DPH5: variants seen among roughly 807,000 people sequenced by gnomAD.
DPH5 encodes the protein diphthine methyl ester synthase.
In DPH5, 31 loss-of-function variants were observed where a neutral mutation model predicts 31.6. The ratio of observed to expected loss-of-function variants is 0.98; its 90% CI spans 0.74 to 1.32. The LOEUF (loss-of-function observed/expected upper bound fraction) is 1.32. Ranked by LOEUF, DPH5 falls within the 40% of genes most tolerant of loss-of-function variation. The probability of loss-of-function intolerance (pLI) is 0.00; values close to 1 mark genes in which losing one functional copy is unlikely to be tolerated. For missense variants in DPH5, 309 were observed against 335.7 expected (o/e 0.92, Z 0.62); for synonymous variants, 120 against 115.0 (o/e 1.04, Z -0.28).
Position 100,990,577 on chromosome 1 carries a change from TGGTCGTC to T in DPH5, c.682_688del (p.Asp228ArgfsTer8). ...CCTTAAAGTGCCTGCTGCAATTTTC[TGGTCGTC>T]GGCTCCAACCCTGGCTAAGCCAACA... On this transcript the variant is annotated frameshift_variant, in exon 8 of 8. Transcript: ENST00000370109. LOFTEE classifies it high-confidence loss of function. 1.2e-6 allele frequency: 2 copies of T among 1,614,130 alleles called. No individual in the cohort carries two copies. The highest frequency in any genetic ancestry group is 1.7e-6 in the Non-Finnish European group (2 of 1,180,006).
intron 7 of DPH5, among the ~76,000 whole-genome samples, chr1:100,991,849 C>T (rs1331903325): frequency 6.7e-6 from 1 of 150,060 alleles, no homozygotes; most frequent in Admixed American, 6.6e-5. Flanking sequence ...GTAATCCCAA[C>T]ACTTTGGGAG....
chr1:100,992,652 G>A lies in DPH5; in HGVS notation c.619C>T (p.Arg207Ter), dbSNP rs376566442. ...TCTTGAGTACCTGGTTCTTCTCCTCGTATTCTTTGATTTTGAACAATCTCC... is the reference window on the plus strand; with the variant it reads ...TCTTGAGTACCTGGTTCTTCTCCTCATATTCTTTGATTTTGAACAATCTCC... Reference protein sequence around the residue: ...LLEIVQNQRIRGEEPAVTEET... With the variant: ...LLEIVQNQRI Residue 207 changes from arginine to a stop codon, truncating the protein, a stop_gained, in exon 7 of 8, where the codon CGA becomes TGA. Transcript: ENST00000370109. LOFTEE classifies it high-confidence loss of function. 54 of 1,613,270 alleles carry A rather than the reference G, an allele frequency of 3.3e-5. No homozygotes were observed. Among genetic ancestry groups the A allele is most frequent in the African/African-American group, 5.3e-5 (4 of 74,846 alleles).
chr1:101,023,951 CT>C (rs1660649637), intron 2 of DPH5, among the ~76,000 whole-genome samples: 1 of 152,164 alleles, frequency 6.6e-6, no homozygotes, highest in South Asian at 2.1e-4. Flanking sequence ...TTCTATCAAA[CT>C]GCTGTTTTGT....
intron 2 of DPH5, 37 bp from the exon 3 acceptor site, chr1:101,021,802 G>T: frequency 6.4e-7 from 1 of 1,566,924 alleles, no homozygotes; most frequent in Non-Finnish European, 8.7e-7. Context: ...TAAAGAGACA[G>T]CAGGTGACCA....
chr1:101,015,462 A>C (rs1418901049), intron 3 of DPH5, among the ~76,000 whole-genome samples: 1 of 152,220 alleles, frequency 6.6e-6, no homozygotes, highest in African/African-American at 2.4e-5. Context: ...CTGTAAACAG[A>C]TGTGCTGTCA....
At chr1:101,011,883 C>G (rs996129543) in intron 4 of DPH5, among the ~76,000 whole-genome samples, 2 of 146,402 alleles carry the variant, frequency 1.4e-5, no homozygotes, top group African/African-American at 5.0e-5. Context: ...TTTCTTCTAG[C>G]AATTATCAAT....
chr1:101,021,825 CACACA>C, intron 2 of DPH5, 60 bp from the exon 3 acceptor site: 1 of 855,822 alleles, frequency 1.2e-6, no homozygotes, highest in Non-Finnish European at 1.7e-6. Flanking sequence ...CTAACACACA[CACACA>C]CACACACACA....
intron 5 of DPH5, among the ~76,000 whole-genome samples, chr1:100,997,749 C>T (rs867410659): frequency 2.0e-4 from 30 of 152,168 alleles, no homozygotes; most frequent in Admixed American, 2.6e-4. Flanking sequence ...TGTTTTAGAA[C>T]CTTTCAGTAC....
intron 2 of DPH5, chr1:101,023,312 T>C (rs1187978441): frequency 6.6e-6 from 1 of 152,218 alleles, no homozygotes; most frequent in African/African-American, 2.4e-5. Context: ...TTAGGCAAGT[T>C]TGTTAACTTC....
chr1:100,991,074 A>T (rs1314838737), intron 7 of DPH5, among the ~76,000 whole-genome samples: 2 of 152,230 alleles, frequency 1.3e-5, no homozygotes, highest in East Asian at 3.8e-4. Context: ...CTTGCCATCC[A>T]ATTAGCTGTG....
Position 101,025,301 on chromosome 1 carries a change from G to C in DPH5, c.135+8C>G. The C allele has an allele frequency of 6.2e-7, 1 of 1,613,806 alleles. No individual in the cohort carries two copies. Among genetic ancestry groups the C allele is most frequent in the Non-Finnish European group, 8.5e-7 (1 of 1,179,908 alleles). ...TTCCCAGGAGGCTGGGGAACGCTCA[G>C]CACCTACCAAGGCTTCCTTCCCTAC... On this transcript the variant is annotated splice_region_variant and intron_variant, in intron 2 of 7. Transcript: ENST00000370109.
chr1:100,999,769 G>GT (rs561677279), intron 5 of DPH5, among the ~76,000 whole-genome samples: 197 of 152,062 alleles, frequency 1.3e-3, no homozygotes, highest in Non-Finnish European at 1.8e-3. Flanking sequence ...AACCTGGGAG[G>GT]TGGAGGTTGC....
chr1:101,008,510 A>C (rs1423818842), intron 4 of DPH5, among the ~76,000 whole-genome samples: 2 of 152,226 alleles, frequency 1.3e-5, no homozygotes, highest in Non-Finnish European at 1.5e-5. Flanking sequence ...TTCAATTCTA[A>C]ATCTTTTCCA....
At chr1:100,993,477 G>A (rs902062557) in intron 6 of DPH5, among the ~76,000 whole-genome samples, 8 of 149,296 alleles carry the variant, frequency 5.4e-5, no homozygotes, top group African/African-American at 1.7e-4. Flanking sequence ...AATTGAACCC[G>A]GGAGACGGAG....
At chr1:101,006,626 T>A (rs533317366) in intron 4 of DPH5, among the ~76,000 whole-genome samples, 54 of 152,282 alleles carry the variant, frequency 3.5e-4, no homozygotes, top group African/African-American at 1.2e-3. Flanking sequence ...GGGTTTTTCA[T>A]GACTACATTA....
chr1:101,021,969 T>C (rs903446246), intron 2 of DPH5, among the ~76,000 whole-genome samples: 1 of 152,176 alleles, frequency 6.6e-6, no homozygotes, highest in Non-Finnish European at 1.5e-5. Flanking sequence ...AACTCTGTAT[T>C]TGGGGCTGTC....
chr1:101,025,147 T>C, intron 2 of DPH5, 162 bp downstream of exon 2: 1 of 825,018 alleles, frequency 1.2e-6, no homozygotes, highest in Non-Finnish European at 1.8e-6. Context: ...ACTTGGTTGG[T>C]GTAAAATTTC....
At chr1:101,020,221 C>A (rs1660348509) in intron 3 of DPH5, among the ~76,000 whole-genome samples, 1 of 152,156 alleles carries the variant, frequency 6.6e-6, no homozygotes, top group Non-Finnish European at 1.5e-5. Flanking sequence ...ATCTGTTGAA[C>A]CCTATCCAGA....
intron 5 of DPH5, among the ~76,000 whole-genome samples, chr1:100,998,224 A>AG: frequency 6.6e-6 from 1 of 152,210 alleles, no homozygotes; most frequent in East Asian, 1.9e-4. Context: ...CAAGAATAAA[A>AG]GGGGGGCCGG....
Sources: gnomAD v4.1 joint callset for allele counts (sites outside exome capture counted in the v4.1 genomes callset) on GRCh38, gnomAD v4.1.1 for gene constraint, MANE v1.5 for transcripts, NCBI Gene and HGNC (gene_info 2026-07-23, HGNC 2026-07-21) for gene names.